The following DNA2 variants were observed in gnomAD, a reference collection of about 807,000 sequenced individuals.
DNA2 encodes DNA replication helicase/nuclease 2, also known as DNA replication ATP-dependent helicase/nuclease DNA2.
A neutral mutation model predicts 119.1 loss-of-function variants in DNA2; 101 were observed. That is an observed-to-expected ratio of 0.85 (90% CI 0.72 to 1.00). The LOEUF (loss-of-function observed/expected upper bound fraction) is 1.00. Among genes scored for constraint, DNA2 ranks in the 50% least tolerant of loss-of-function variants. DNA2 has a pLI of 0.00. For missense variants in DNA2, 1,121 were observed against 1,255.5 expected (o/e 0.89, Z 1.62); for synonymous variants, 366 against 424.4 (o/e 0.86, Z 1.69).
intron 1 of DNA2, 53 bp downstream of exon 1, chr10:68,471,737 TC>T: frequency 6.6e-7 from 1 of 1,510,606 alleles, no homozygotes; most frequent in Non-Finnish European, 8.8e-7. Flanking sequence ...CCTCTCCCGC[TC>T]CTTCTTTCAA....
At chr10:68,472,401 C>G (rs1432197266), upstream of DNA2, among the ~76,000 whole-genome samples, 1 of 152,158 alleles carries the variant, frequency 6.6e-6, no homozygotes, top group Non-Finnish European at 1.5e-5. Flanking sequence ...AAAATAGAAA[C>G]TGTCGGATAG....
intron 14 of DNA2, among the ~76,000 whole-genome samples, chr10:68,425,405 CT>C (rs769692060): frequency 1.7e-3 from 207 of 123,136 alleles, no homozygotes; most frequent in Middle Eastern, 6.5e-3. Flanking sequence ...TGTTTGTGTT[CT>C]TTTTTTTTTT....
chr10:68,458,478 A>C (rs1477286712), intron 5 of DNA2, among the ~76,000 whole-genome samples: 1 of 149,616 alleles, frequency 6.7e-6, no homozygotes, highest in Non-Finnish European at 1.5e-5. Flanking sequence ...AGGTTGCAGT[A>C]AGCCGAAATC....
intron 3 of DNA2, among the ~76,000 whole-genome samples, chr10:68,466,720 A>T (rs1039612248): frequency 1.3e-5 from 2 of 151,726 alleles, no homozygotes; most frequent in Non-Finnish European, 2.9e-5. Flanking sequence ...CTGGGACTAC[A>T]GGCGCCCGCC....
chr10:68,414,172 C>A lies in DNA2; in HGVS notation c.*867G>T, dbSNP rs1437744941. 6.6e-6 allele frequency: 1 copy of A among 150,914 alleles called. No homozygotes were observed. The highest frequency in any genetic ancestry group is 2.4e-5 in the African/African-American group (1 of 41,088). 9.3% of individuals were successfully genotyped at this position (150,914 alleles called of 1,614,324 possible). ...CATATTTAACACTCATTAAAAAAAACCCTCAAGAGAAATGGAAGATTTCCA... is the reference window on the plus strand; with the variant it reads ...CATATTTAACACTCATTAAAAAAAAACCTCAAGAGAAATGGAAGATTTCCA... On this transcript the variant is annotated 3_prime_UTR_variant, in exon 21 of 21. Coordinates refer to ENST00000358410, the MANE Select transcript of DNA2 (RefSeq NM_001080449.3).
intron 14 of DNA2, among the ~76,000 whole-genome samples, chr10:68,423,706 C>T (rs2051696254): frequency 6.6e-6 from 1 of 152,154 alleles, no homozygotes; most frequent in Non-Finnish European, 1.5e-5. Context: ...GTCTTTCATC[C>T]CCGATGACTG....
At position 68,416,773 on chromosome 10, in the gene DNA2, A is replaced by G; in HGVS notation, c.3050T>C (p.Val1017Ala). 1 of 1,613,910 alleles carries G rather than the reference A, an allele frequency of 6.2e-7. No individual in the cohort carries two copies. ...AKHKLILLGC[V>A]PSLNCYPPLE... ...AGGAGGATAGCAATTTAGTGAGGGCACACACCCCAGAAGAATCAGTTTATG... is the reference window on the plus strand; with the variant it reads ...AGGAGGATAGCAATTTAGTGAGGGCGCACACCCCAGAAGAATCAGTTTATG... The change falls in exon 20 of 21, where the codon GTG becomes GCG. Residue 1017 changes from valine to alanine, a missense_variant. By Grantham distance (64) the Val-to-Ala change is moderately conservative (BLOSUM62 0). Coordinates refer to ENST00000358410, the MANE Select transcript of DNA2 (RefSeq NM_001080449.3).
At chr10:68,472,058 G>T (rs1391023167), upstream of DNA2, 1 of 1,597,204 alleles carries the variant, frequency 6.3e-7, no homozygotes, top group Non-Finnish European at 8.5e-7. Flanking sequence ...CCTCACCTGA[G>T]CAGCAGGGCT....
intron 7 of DNA2, among the ~76,000 whole-genome samples, chr10:68,445,476 A>G (rs929333180): frequency 1.3e-5 from 2 of 152,062 alleles, no homozygotes; most frequent in Non-Finnish European, 2.9e-5. Context: ...AAAAATAAAT[A>G]AATAAATAAA....
At chr10:68,472,061 G>T (rs1436106331), upstream of DNA2, 16 of 1,594,214 alleles carry the variant, frequency 1.0e-5, no homozygotes, top group Non-Finnish European at 1.3e-5. Flanking sequence ...CACCTGAGCA[G>T]CAGGGCTCTG....
rs575709012 is a variant in DNA2, at chr10:68,439,810, C to G, written c.1416-2569G>C. Among the ~76,000 whole-genome samples, 714 of 150,912 alleles carry G rather than the reference C, an allele frequency of 4.7e-3. 12 individuals are homozygous for G. Among genetic ancestry groups the G allele is most frequent in the African/African-American group, 0.017 (681 of 41,072 alleles). ...CCAAGATTGTGCCATTGCACTCCAG[C>G]CTGAGCAACAAGAGGGAAATTCTGT... On this transcript the variant is annotated intron_variant, in intron 9 of 20. Transcript: ENST00000358410.
At chr10:68,472,007 C>A, upstream of DNA2, 1 of 1,610,008 alleles carries the variant, frequency 6.2e-7, no homozygotes, top group Non-Finnish European at 8.5e-7. Flanking sequence ...ATGACCTGCG[C>A]CAGGCCGCCC....
chr10:68,417,678 T>C (rs1381249291), intron 19 of DNA2, among the ~76,000 whole-genome samples: 1 of 150,460 alleles, frequency 6.6e-6, no homozygotes, highest in African/African-American at 2.4e-5. Flanking sequence ...AAATCAAATC[T>C]GAATTGTCTA....
chr10:68,458,747 C>A (rs576383445), intron 5 of DNA2, among the ~76,000 whole-genome samples: 2 of 151,866 alleles, frequency 1.3e-5, no homozygotes, highest in African/African-American at 2.4e-5. Context: ...ACTTGGGAGG[C>A]TGAGATAGGA....
At chr10:68,421,622 G>A (rs2051665881) in intron 17 of DNA2, among the ~76,000 whole-genome samples, 1 of 151,708 alleles carries the variant, frequency 6.6e-6, no homozygotes, top group African/African-American at 2.4e-5. Flanking sequence ...GTGTGGTGGT[G>A]GGTGCCTGTA....
At position 68,456,917 on chromosome 10, in the gene DNA2, A is replaced by G. The variant is rs925383070; in HGVS notation, c.719+2187T>C. Reference sequence around the variant, plus strand: ...TGGGAGGCCAAGGTGGGCGGATTACAAGGTCAGGAGATCGAGACCATCCTG... The same window carrying G: ...TGGGAGGCCAAGGTGGGCGGATTACGAGGTCAGGAGATCGAGACCATCCTG... On this transcript the variant is annotated intron_variant, in intron 5 of 20. Coordinates refer to ENST00000358410, the MANE Select transcript of DNA2 (RefSeq NM_001080449.3). 1.9e-4 allele frequency among the ~76,000 whole-genome samples: 29 copies of G among 151,648 alleles called. No homozygotes were observed. The South Asian group carries it at 3.1e-3, about 16-fold the overall frequency.
At chr10:68,418,945 T>G in intron 19 of DNA2, 89 bp downstream of exon 19, 2 of 1,240,456 alleles carry the variant, frequency 1.6e-6, no homozygotes, top group Non-Finnish European at 2.2e-6. Context: ...GGGGCTGGGA[T>G]TACAGGTGTG....
chr10:68,459,254 TA>T lies in DNA2; in HGVS notation c.588-20del. 1 of 1,524,828 alleles carries T rather than the reference TA, an allele frequency of 6.6e-7. No homozygotes were observed. Among genetic ancestry groups the T allele is most frequent in the South Asian group, 1.3e-5 (1 of 78,468 alleles). The allele number at this position is 1,524,828 out of a possible 1,614,324, so 94.5% of individuals were successfully genotyped here. A position where few individuals can be genotyped will look rare whatever the true frequency, so the allele number is the denominator to read the frequency against. Reference sequence around the variant, plus strand: ...GCGGTACCTGCCAAAAATATAATAGTAAATAGACTTAGACTTAAGCGGTACC... The same window carrying T: ...GCGGTACCTGCCAAAAATATAATAGTAATAGACTTAGACTTAAGCGGTACC... On this transcript the variant is annotated intron_variant, in intron 4 of 20. Coordinates refer to ENST00000358410, the MANE Select transcript of DNA2 (RefSeq NM_001080449.3).
At chr10:68,457,000 G>T (rs1425598404) in intron 5 of DNA2, among the ~76,000 whole-genome samples, 1 of 151,884 alleles carries the variant, frequency 6.6e-6, no homozygotes, top group Non-Finnish European at 1.5e-5. Flanking sequence ...CAGGCATGGT[G>T]GCAGGCACCT....
Sources: gnomAD v4.1 joint callset for allele counts (sites outside exome capture counted in the v4.1 genomes callset) on GRCh38, gnomAD v4.1.1 for gene constraint, MANE v1.5 for transcripts, NCBI Gene and HGNC (gene_info 2026-07-23, HGNC 2026-07-21) for gene names.